The following CCDC91 variants were observed in gnomAD, a reference collection of about 807,000 sequenced individuals.
CCDC91 encodes coiled-coil domain-containing protein 91.
A neutral mutation model predicts 63.2 loss-of-function variants in CCDC91; 48 were observed. The ratio of observed to expected loss-of-function variants is 0.76; its 90% CI spans 0.60 to 0.97. The LOEUF is 0.97. CCDC91 is among the 50% of genes least tolerant of loss of function. CCDC91 has a pLI of 0.00. For missense variants in CCDC91, 500 were observed against 494.6 expected (o/e 1.01, Z -0.10); for synonymous variants, 167 against 165.8 (o/e 1.01, Z -0.06).
intron 7 of CCDC91, among the ~76,000 whole-genome samples, chr12:28,377,669 T>C (rs1272146384): frequency 6.6e-6 from 1 of 151,926 alleles, no homozygotes; most frequent in Non-Finnish European, 1.5e-5. Context: ...TCTAGGGTTT[T>C]CCCCTCTGGT....
intron 1 of CCDC91, among the ~76,000 whole-genome samples, chr12:28,209,053 G>A (rs1272592888): frequency 1.3e-5 from 2 of 151,858 alleles, no homozygotes; most frequent in Non-Finnish European, 2.9e-5. Flanking sequence ...TGATCTGCCT[G>A]CCTCAGCCTC....
chr12:28,263,693 C>T (rs1359931064), intron 3 of CCDC91, among the ~76,000 whole-genome samples: 2 of 151,984 alleles, frequency 1.3e-5, no homozygotes, highest in Non-Finnish European at 1.5e-5. Context: ...ATAAGTATGA[C>T]TCCCATCTCT....
chr12:28,260,041 A>G (rs541375326), intron 3 of CCDC91, among the ~76,000 whole-genome samples: 8 of 152,040 alleles, frequency 5.3e-5, no homozygotes, highest in African/African-American at 1.9e-4. Flanking sequence ...CTAGACCTCA[A>G]ATGTTACAGT....
intron 12 of CCDC91, among the ~76,000 whole-genome samples, chr12:28,534,831 C>T (rs568548512): frequency 7.2e-5 from 11 of 152,156 alleles, no homozygotes; most frequent in East Asian, 1.9e-4. Context: ...CCTCTCCAAA[C>T]GTTATTCCTG....
intron 8 of CCDC91, among the ~76,000 whole-genome samples, chr12:28,428,781 C>A (rs893702397): frequency 6.6e-6 from 1 of 151,746 alleles, no homozygotes; most frequent in African/African-American, 2.4e-5. Context: ...ATATGATAAT[C>A]TTTCTCAATA....
intron 6 of CCDC91, among the ~76,000 whole-genome samples, chr12:28,350,578 A>T (rs966843460): frequency 1.3e-5 from 2 of 152,162 alleles, no homozygotes; most frequent in African/African-American, 4.8e-5. Context: ...ACAGTGTTTG[A>T]CTTCTAGGGC....
chr12:28,385,144 T>C (rs1945522060), intron 7 of CCDC91, among the ~76,000 whole-genome samples: 1 of 152,172 alleles, frequency 6.6e-6, no homozygotes, highest in Non-Finnish European at 1.5e-5. Context: ...AAATAAATTT[T>C]TTAAACGATA....
intron 7 of CCDC91, among the ~76,000 whole-genome samples, chr12:28,366,010 G>A (rs1052483844): frequency 2.6e-5 from 4 of 152,112 alleles, no homozygotes; most frequent in African/African-American, 9.7e-5. Context: ...AGAAAAGAAA[G>A]TGGAAAATAC....
At chr12:28,383,871 T>C (rs185629198) in intron 7 of CCDC91, among the ~76,000 whole-genome samples, 11 of 152,200 alleles carry the variant, frequency 7.2e-5, no homozygotes, top group African/African-American at 2.7e-4. Context: ...GGTTCACTGA[T>C]CTGAAGCTCT....
At chr12:28,478,468 G>A (rs1384584751) in intron 11 of CCDC91, among the ~76,000 whole-genome samples, 2 of 152,038 alleles carry the variant, frequency 1.3e-5, no homozygotes, top group Non-Finnish European at 2.9e-5. Flanking sequence ...AATTCAAGGT[G>A]GATTAAAGAC....
intron 8 of CCDC91, among the ~76,000 whole-genome samples, chr12:28,445,954 C>A (rs1040283454): frequency 1.3e-5 from 2 of 152,092 alleles, no homozygotes; most frequent in African/African-American, 4.8e-5. Flanking sequence ...ATATTTATTC[C>A]TTAACACACA....
intron 10 of CCDC91, among the ~76,000 whole-genome samples, chr12:28,452,001 CACAT>C (rs767678141): frequency 6.6e-6 from 1 of 151,392 alleles, no homozygotes; most frequent in African/African-American, 2.4e-5. Context: ...GATTTACAGA[CACAT>C]ACAGTAGCAT....
At chr12:28,291,554 G>T (rs1016995824) in intron 3 of CCDC91, among the ~76,000 whole-genome samples, 2 of 152,164 alleles carry the variant, frequency 1.3e-5, no homozygotes, top group Admixed American at 1.3e-4. Flanking sequence ...CAGTGACCAT[G>T]AACTTTTTGT....
intron 6 of CCDC91, among the ~76,000 whole-genome samples, chr12:28,343,041 T>A (rs2138032786): frequency 6.6e-6 from 1 of 152,004 alleles, no homozygotes; most frequent in South Asian, 2.1e-4. Context: ...AGAAAATGCA[T>A]GTTTTGTGTA....
At chr12:28,266,579 A>G (rs1043761819) in intron 3 of CCDC91, among the ~76,000 whole-genome samples, 1 of 151,984 alleles carries the variant, frequency 6.6e-6, no homozygotes, top group African/African-American at 2.4e-5. Flanking sequence ...AATTCTTAAG[A>G]GAAACCTTGT....
intron 11 of CCDC91, among the ~76,000 whole-genome samples, chr12:28,461,845 G>A (rs1405634866): frequency 6.6e-6 from 1 of 152,050 alleles, no homozygotes; most frequent in African/African-American, 2.4e-5. Flanking sequence ...CATAGTATGT[G>A]TTGTTCTTGC....
At chr12:28,214,595 G>A (rs1366318252) in intron 1 of CCDC91, among the ~76,000 whole-genome samples, 1 of 151,992 alleles carries the variant, frequency 6.6e-6, no homozygotes, top group African/African-American at 2.4e-5. Flanking sequence ...GTGTGTGTGT[G>A]TGTTTGTTTT....
At chr12:28,257,086 A>G (rs985341325) in intron 1 of CCDC91, 116 bp from the exon 2 acceptor site, 3 of 603,260 alleles carry the variant, frequency 5.0e-6, no homozygotes, top group Non-Finnish European at 5.7e-6. Flanking sequence ...TAAAAAATGC[A>G]TAGACAGTTA....
At chr12:28,511,663 T>A (rs1939390641) in intron 12 of CCDC91, among the ~76,000 whole-genome samples, 1 of 151,908 alleles carries the variant, frequency 6.6e-6, no homozygotes. Flanking sequence ...GCCAAAATAC[T>A]TGTTCTTTTC....
Sources: gnomAD v4.1 joint callset for allele counts (sites outside exome capture counted in the v4.1 genomes callset) on GRCh38, gnomAD v4.1.1 for gene constraint, MANE v1.5 for transcripts, NCBI Gene and HGNC (gene_info 2026-07-23, HGNC 2026-07-21) for gene names.